APCDD1: variants seen among roughly 807,000 people sequenced by gnomAD.
APCDD1 encodes protein APCDD1.
In APCDD1, 15 loss-of-function variants were observed where a neutral mutation model predicts 38.1. The ratio of observed to expected loss-of-function variants is 0.39; its 90% CI spans 0.26 to 0.61. The LOEUF (loss-of-function observed/expected upper bound fraction) is 0.61. Among genes scored for constraint, APCDD1 ranks in the 20% least tolerant of loss-of-function variants. APCDD1 has a pLI of 0.49. For missense variants in APCDD1, 647 were observed against 696.2 expected (o/e 0.93, Z 0.79); for synonymous variants, 261 against 279.7 (o/e 0.93, Z 0.67).
At position 10,467,421 on chromosome 18, in the gene APCDD1, G is replaced by T. The variant is rs1022784847; in HGVS notation, c.59-1048G>T. Among the ~76,000 whole-genome samples the T allele has an allele frequency of 1.3e-5, 2 of 152,160 alleles. No homozygotes were observed. Among genetic ancestry groups the T allele is most frequent in the African/African-American group, 4.8e-5 (2 of 41,430 alleles). ...TTTCTGCTAACACAGGGCTAAATAC[G>T]TAGTAGGTCCGCCATAAATGCCTGT... On this transcript the variant is annotated intron_variant, in intron 1 of 4. Transcript: ENST00000355285. This position sits in a 1 kb window ranked among gnomAD's most constrained non-coding sequence, Gnocchi z 4.8.
rs1363220457 is a variant in APCDD1, at chr18:10,488,926, G to A, written c.*888G>A. ...CGTTCATTGCAGTTTCCTCTTCCTG[G>A]GGGACCTGAGCCCTGACTCACTGTC... On this transcript the variant is annotated 3_prime_UTR_variant, in exon 5 of 5. Coordinates refer to ENST00000355285, the MANE Select transcript of APCDD1 (RefSeq NM_153000.5). The A allele has an allele frequency of 6.6e-6, 1 of 152,222 alleles. No homozygotes were observed. The highest frequency in any genetic ancestry group is 2.4e-5 in the African/African-American group (1 of 41,456). 9.4% of individuals were successfully genotyped at this position (152,222 alleles called of 1,614,324 possible). A position where few individuals can be genotyped will look rare whatever the true frequency, so the allele number is the denominator to read the frequency against.
chr18:10,476,916 A>G lies in APCDD1; in HGVS notation c.774+4855A>G, dbSNP rs2031015576. 6.6e-6 allele frequency: 1 copy of G among 152,268 alleles called. No homozygotes were observed. Among genetic ancestry groups the G allele is most frequent in the Non-Finnish European group, 1.5e-5 (1 of 68,058 alleles). The allele number at this position is 152,268 out of a possible 1,614,324, so 9.4% of individuals were successfully genotyped here. ...ATGTTTTTGAGGTAGCTTGCCTCTC[A>G]GAGGCTTTTTAGAGGATGTGTGACC... On this transcript the variant is annotated intron_variant, in intron 3 of 4. Transcript: ENST00000355285. This position sits in a 1 kb window ranked among gnomAD's most constrained non-coding sequence, Gnocchi z 5.8.
At position 10,468,215 on chromosome 18, in the gene APCDD1, G is replaced by A. The variant is rs112880627; in HGVS notation, c.59-254G>A. On this transcript the variant is annotated intron_variant, in intron 1 of 4. Coordinates refer to ENST00000355285, the MANE Select transcript of APCDD1 (RefSeq NM_153000.5). ...TGATCTCTGGCTTTGCCAGGAACTA[G>A]CTAAGTGACCTCAAGCAAGTTATGT... Among the ~76,000 whole-genome samples, 1,047 of 152,352 alleles carry A rather than the reference G, an allele frequency of 6.9e-3. 18 individuals are homozygous for A. The highest frequency in any genetic ancestry group is 0.024 in the African/African-American group (978 of 41,584).
Position 10,476,440 on chromosome 18 carries a change from AAG to A in APCDD1, c.774+4381_774+4382del. 6.6e-6 allele frequency: 1 copy of A among 152,352 alleles called. No individual in the cohort carries two copies. Among genetic ancestry groups the A allele is most frequent in the Non-Finnish European group, 1.5e-5 (1 of 68,042 alleles). 9.4% of individuals were successfully genotyped at this position (152,352 alleles called of 1,614,324 possible). On this transcript the variant is annotated intron_variant, in intron 3 of 4. Coordinates refer to ENST00000355285, the MANE Select transcript of APCDD1 (RefSeq NM_153000.5). The surrounding 1 kb of genome is among the most constrained non-coding windows in gnomAD (Gnocchi z 5.8). ...TCAAGACAGCGTAAAGTAACCCTGA[AAG>A]AAGATGCTTTGCCTGAATCAAGTTT...
intron 1 of APCDD1, among the ~76,000 whole-genome samples, chr18:10,462,587 C>T (rs560863143): frequency 1.7e-4 from 8 of 46,982 alleles, no homozygotes; most frequent in East Asian, 4.9e-4. Context: ...CCTTCCTTCC[C>T]TCCCTCCTTC....
In APCDD1 at chr18:10,487,664, G is replaced by A. The variant is rs771470436; in HGVS notation, c.1171G>A (p.Gly391Arg). ...LLNVFNGNECGAEGSWQVGIQ... is the reference protein window; with the variant it reads ...LLNVFNGNECRAEGSWQVGIQ... ...CAACGTCTTCAACGGGAATGAGTGC[G>A]GGGCCGAGGGCTCCTGGCAGGTGGG... The change falls in exon 5 of 5, where the codon GGG (glycine) becomes AGG (arginine). Residue 391 changes from glycine to arginine, a missense_variant. Gly to Arg is a moderately radical substitution (Grantham distance 125). Transcript: ENST00000355285. 19 of 1,614,154 alleles carry A rather than the reference G, an allele frequency of 1.2e-5. No homozygotes were observed. The highest frequency in any genetic ancestry group is 3.3e-5 in the Admixed American group (2 of 60,030).
rs2031303419 is a variant in APCDD1, at chr18:10,488,513, T to C, written c.*475T>C. 6.0e-6 allele frequency: 1 copy of C among 166,018 alleles called. No homozygotes were observed. The highest frequency in any genetic ancestry group is 5.9e-5 in the Admixed American group (1 of 16,958). The allele number at this position is 166,018 out of a possible 1,614,324, so 10.3% of individuals were successfully genotyped here. A position where few individuals can be genotyped will look rare whatever the true frequency, so the allele number is the denominator to read the frequency against. On this transcript the variant is annotated 3_prime_UTR_variant, in exon 5 of 5. Transcript: ENST00000355285. Reference sequence around the variant, plus strand: ...ATCCAATGCAGAGTTGGTTTGGGACTGTGATCAAGACACCTTTTATTAATA... The same window carrying C: ...ATCCAATGCAGAGTTGGTTTGGGACCGTGATCAAGACACCTTTTATTAATA...
At chr18:10,477,424 G>A (rs752284051) in intron 3 of APCDD1, 7 of 152,226 alleles carry the variant, frequency 4.6e-5, no homozygotes, top group Non-Finnish European at 7.3e-5. Flanking sequence ...TCTGGGCCGA[G>A]GTGTGCAGTG....
At chr18:10,486,303 A>G (rs1478589807) in intron 4 of APCDD1, among the ~76,000 whole-genome samples, 2 of 152,164 alleles carry the variant, frequency 1.3e-5, no homozygotes, top group African/African-American at 2.4e-5. Context: ...ACAGTAAGAT[A>G]TGATCATGCC....
rs58043724 is a variant in APCDD1 at position 10,475,793 on chromosome 18, A to AGGG, written c.774+3742_774+3744dup. ...GCCTAGCTGCCTCGCAAGATGGCTG[A>AGGG]GGGGGGGGGGGGTCAGTGGAAGGCC... On this transcript the variant is annotated intron_variant, in intron 3 of 4. Transcript: ENST00000355285. This position sits in a 1 kb window ranked among gnomAD's most constrained non-coding sequence, Gnocchi z 4.0. 66 of 95,524 alleles carry AGGG rather than the reference A, an allele frequency of 6.9e-4. No individual in the cohort carries two copies. The highest frequency in any genetic ancestry group is 2.4e-3 in the African/African-American group (59 of 24,810). 5.9% of individuals were successfully genotyped at this position (95,524 alleles called of 1,614,324 possible).
chr18:10,484,154 T>C (rs1024052672), intron 3 of APCDD1, among the ~76,000 whole-genome samples: 1 of 152,232 alleles, frequency 6.6e-6, no homozygotes, highest in African/African-American at 2.4e-5. Flanking sequence ...GTGGCCGTCT[T>C]GCTTAAAGCT....
chr18:10,471,004 G>A lies in APCDD1; in HGVS notation c.243-526G>A, dbSNP rs2030838199. Among the ~76,000 whole-genome samples, 1 of 152,236 alleles carries A rather than the reference G, an allele frequency of 6.6e-6. No homozygotes were observed. Among genetic ancestry groups the A allele is most frequent in the African/African-American group, 2.4e-5 (1 of 41,464 alleles). The stretch of plus-strand genomic sequence containing the variant: ...GCTAGATGACTAGATTCTGTCTCAG[G>A]ATGACAGACATTTTGCACCTGCCTG... On this transcript the variant is annotated intron_variant, in intron 2 of 4. Transcript: ENST00000355285. This position sits in a 1 kb window ranked among gnomAD's most constrained non-coding sequence, Gnocchi z 5.5.
intron 3 of APCDD1, among the ~76,000 whole-genome samples, chr18:10,482,666 C>CT (rs1478366959): frequency 6.6e-6 from 1 of 152,168 alleles, no homozygotes; most frequent in Non-Finnish European, 1.5e-5. Flanking sequence ...ATCCAAGTTC[C>CT]CAGCCAGTGT....
At chr18:10,473,126 CTTA>C (rs1302565888) in intron 3 of APCDD1, among the ~76,000 whole-genome samples, 2 of 152,178 alleles carry the variant, frequency 1.3e-5, no homozygotes. Context: ...AATCTTTTTT[CTTA>C]TTAGTCCTCC....
chr18:10,468,688 A>C, intron 2 of APCDD1, 36 bp downstream of exon 2: 1 of 1,605,108 alleles, frequency 6.2e-7, no homozygotes, highest in Non-Finnish European at 8.5e-7. Context: ...GAGGCCAGAG[A>C]GCACACCACT....
intron 1 of APCDD1, among the ~76,000 whole-genome samples, chr18:10,462,040 C>G (rs999820469): frequency 1.3e-5 from 2 of 152,162 alleles, no homozygotes; most frequent in Non-Finnish European, 2.9e-5. Context: ...TTCTAAGAAC[C>G]TGAATCGTCA....
chr18:10,484,723 C>A (rs2031212033), intron 3 of APCDD1, among the ~76,000 whole-genome samples: 2 of 152,240 alleles, frequency 1.3e-5, no homozygotes, highest in Non-Finnish European at 2.9e-5. Flanking sequence ...CCCCAAGGTT[C>A]ATCCCTATTG....
chr18:10,484,604 A>G (rs1428641116), intron 3 of APCDD1, among the ~76,000 whole-genome samples: 1 of 152,108 alleles, frequency 6.6e-6, no homozygotes, highest in African/African-American at 2.4e-5. Flanking sequence ...AGCTCCTGCA[A>G]CCACCATTCC....
At chr18:10,479,305 T>C (rs1276086514) in intron 3 of APCDD1, among the ~76,000 whole-genome samples, 1 of 152,196 alleles carries the variant, frequency 6.6e-6, no homozygotes, top group Non-Finnish European at 1.5e-5. Context: ...TCCTCCTTCT[T>C]GAACAAAACT....
Sources: gnomAD v4.1 joint callset for allele counts (sites outside exome capture counted in the v4.1 genomes callset) on GRCh38, gnomAD v4.1.1 for gene constraint, Gnocchi (gnomAD v3.1) non-coding constraint, MANE v1.5 for transcripts, NCBI Gene and HGNC (gene_info 2026-07-23, HGNC 2026-07-21) for gene names.